PTPRT: variants seen among roughly 807,000 people sequenced by gnomAD.
The protein encoded by PTPRT is receptor-type tyrosine-protein phosphatase T.
Under a neutral mutation model 176.8 loss-of-function variants are expected in PTPRT, and 56 were observed. That is an observed-to-expected ratio of 0.32 (90% CI 0.26 to 0.40). The LOEUF is 0.40. PTPRT is among the 10% of genes least tolerant of loss of function. The probability of loss-of-function intolerance (pLI) is 1.00; values close to 1 mark genes in which losing one functional copy is unlikely to be tolerated. For synonymous variants in PTPRT, 783 were observed against 739.0 expected (o/e 1.06, Z -0.96); for missense variants, 1,540 against 1,908.2 (o/e 0.81, Z 3.60).
chr20:42,679,747 C>T (rs931403111), intron 6 of PTPRT, among the ~76,000 whole-genome samples: 2 of 151,806 alleles, frequency 1.3e-5, no homozygotes, highest in African/African-American at 4.8e-5. Flanking sequence ...TGAGCTTTAT[C>T]ATCATTGTCT....
intron 1 of PTPRT, among the ~76,000 whole-genome samples, chr20:43,071,066 G>A (rs1465185002): frequency 6.6e-6 from 1 of 152,014 alleles, no homozygotes; most frequent in Non-Finnish European, 1.5e-5. Context: ...CAAGGGTATG[G>A]TGATGACAAA....
chr20:43,154,269 G>A (rs2014452022), intron 1 of PTPRT, among the ~76,000 whole-genome samples: 1 of 152,076 alleles, frequency 6.6e-6, no homozygotes, highest in African/African-American at 2.4e-5. Flanking sequence ...CCATTTACTG[G>A]CAAGACTGTC....
At chr20:43,186,467 C>T (rs985896125) in intron 1 of PTPRT, among the ~76,000 whole-genome samples, 2 of 152,200 alleles carry the variant, frequency 1.3e-5, no homozygotes, top group African/African-American at 2.4e-5. Flanking sequence ...CACACTGTCA[C>T]GGAGTCAGGG....
intron 16 of PTPRT, among the ~76,000 whole-genome samples, chr20:42,170,793 C>G (rs947464672): frequency 6.6e-5 from 10 of 152,230 alleles, no homozygotes; most frequent in African/African-American, 2.4e-4. Flanking sequence ...GGAACAGAAG[C>G]ACATTATGTG....
At chr20:43,143,446 C>T (rs972863059) in intron 1 of PTPRT, among the ~76,000 whole-genome samples, 2 of 152,150 alleles carry the variant, frequency 1.3e-5, no homozygotes, top group Admixed American at 1.3e-4. Context: ...TCAACAAAAA[C>T]TTACCAAGTG....
At chr20:42,537,815 G>A (rs6102891) in intron 7 of PTPRT, among the ~76,000 whole-genome samples, 1,684 of 152,164 alleles carry the variant, frequency 0.011, 26 homozygotes, top group African/African-American at 0.039. Flanking sequence ...AGATTTCACG[G>A]GTAATGGCTT....
intron 2 of PTPRT, among the ~76,000 whole-genome samples, chr20:42,870,329 C>G (rs2078823234): frequency 6.6e-6 from 1 of 152,190 alleles, no homozygotes; most frequent in Non-Finnish European, 1.5e-5. Context: ...GTAGCATGTG[C>G]CAGGATTTCC....
At chr20:42,308,620 T>C (rs2145342938) in intron 12 of PTPRT, among the ~76,000 whole-genome samples, 1 of 152,324 alleles carries the variant, frequency 6.6e-6, no homozygotes, top group Middle Eastern at 3.4e-3. Context: ...TTGTCTAATT[T>C]ACTCTCTCCC....
At chr20:42,582,701 C>A (rs1035506075) in intron 7 of PTPRT, among the ~76,000 whole-genome samples, 5 of 152,170 alleles carry the variant, frequency 3.3e-5, no homozygotes, top group African/African-American at 1.2e-4. Flanking sequence ...GTCAGGCATG[C>A]TCTGGTCAAG....
Position 42,147,954 on chromosome 20 carries a change from A to C in PTPRT, c.2683-5952T>G, listed in dbSNP as rs549202393. On this transcript the variant is annotated intron_variant, in intron 17 of 30. Coordinates refer to ENST00000373187, the MANE Select transcript of PTPRT (RefSeq NM_007050.6). ...TAAGGGATAATCTCTTGAAGCAAAA[A>C]AAATATGAGGGGGAAAAGTATGAAA... 1.2e-4 allele frequency among the ~76,000 whole-genome samples: 18 copies of C among 152,318 alleles called. No homozygotes were observed. In the South Asian group the frequency reaches 3.1e-3, roughly 26 times the overall value.
chr20:42,293,449 A>G (rs2057346055), intron 12 of PTPRT, among the ~76,000 whole-genome samples: 1 of 151,946 alleles, frequency 6.6e-6, no homozygotes. Context: ...CTACTTCACT[A>G]CCTGTTCTTT....
chr20:42,384,042 G>A (rs1452407792), intron 9 of PTPRT, among the ~76,000 whole-genome samples: 4 of 152,212 alleles, frequency 2.6e-5, no homozygotes, highest in Non-Finnish European at 5.9e-5. Flanking sequence ...ATCAATATAA[G>A]TTTGACACAG....
At chr20:42,322,714 T>C (rs553366042) in intron 11 of PTPRT, among the ~76,000 whole-genome samples, 140 of 151,938 alleles carry the variant, frequency 9.2e-4, no homozygotes, top group Middle Eastern at 6.8e-3. Context: ...GGACTTCATG[T>C]CTAAAACACC....
intron 1 of PTPRT, among the ~76,000 whole-genome samples, chr20:43,177,802 C>T (rs569115521): frequency 6.6e-6 from 1 of 152,344 alleles, no homozygotes; most frequent in African/African-American, 2.4e-5. Context: ...GGCCCCGTTA[C>T]AGTTTTAAAC....
intron 7 of PTPRT, among the ~76,000 whole-genome samples, chr20:42,629,678 CCT>C (rs1465401961): frequency 6.6e-6 from 1 of 152,124 alleles, no homozygotes; most frequent in African/African-American, 2.4e-5. Flanking sequence ...AAAGATGTCT[CCT>C]GCAAGAAGCA....
At chr20:43,086,472 A>T (rs865921365) in intron 1 of PTPRT, among the ~76,000 whole-genome samples, 7 of 152,218 alleles carry the variant, frequency 4.6e-5, no homozygotes, top group Admixed American at 1.3e-4. Context: ...TTACTTCAGA[A>T]ATGACTTTAA....
At chr20:42,642,669 T>C (rs2074787030) in intron 7 of PTPRT, among the ~76,000 whole-genome samples, 1 of 152,136 alleles carries the variant, frequency 6.6e-6, no homozygotes, top group Non-Finnish European at 1.5e-5. Context: ...CACTCTTTAA[T>C]ACCAATAATT....
intron 1 of PTPRT, among the ~76,000 whole-genome samples, chr20:43,003,501 C>T (rs1940373061): frequency 6.6e-6 from 1 of 152,208 alleles, no homozygotes; most frequent in Non-Finnish European, 1.5e-5. Context: ...CACGCCCAGC[C>T]TCTTGTGCTA....
intron 9 of PTPRT, among the ~76,000 whole-genome samples, chr20:42,443,266 C>CT (rs1404930582): frequency 1.3e-5 from 2 of 152,308 alleles, no homozygotes; most frequent in East Asian, 3.9e-4. Flanking sequence ...TAAACCAGTG[C>CT]TTTTTATGCT....
Sources: allele counts gnomAD v4.1 joint callset (sites outside exome capture counted in the v4.1 genomes callset), GRCh38; gene constraint gnomAD v4.1.1; transcripts MANE v1.5; gene names NCBI Gene and HGNC (gene_info 2026-07-23, HGNC 2026-07-21).